Variants in RABGAP1L observed in about 807,000 individuals in gnomAD.
The protein encoded by RABGAP1L is rab GTPase-activating protein 1-like.
A neutral mutation model predicts 137.7 loss-of-function variants in RABGAP1L; 63 were observed. The observed-to-expected ratio is 0.46, with a 90% confidence interval of 0.37 to 0.56. The LOEUF is 0.56. Among genes scored for constraint, RABGAP1L ranks in the 20% least tolerant of loss-of-function variants. The pLI, the probability that RABGAP1L is intolerant of heterozygous loss-of-function variation, is 0.00. For missense variants in RABGAP1L, 1,095 were observed against 1,244.0 expected, an observed-to-expected ratio of 0.88 and a Z score of 1.80; for synonymous variants, 431 against 433.7, an observed-to-expected ratio of 0.99 and a Z score of 0.08.
At chr1:174,897,664 A>G (rs900348342) in intron 19 of RABGAP1L, 2 of 152,218 alleles carry the variant, frequency 1.3e-5, no homozygotes, top group Admixed American at 1.3e-4. Context: ...ACTAAAATGT[A>G]CTTGCCTGTT....
chr1:174,449,863 T>A (rs1320575708), intron 13 of RABGAP1L, among the ~76,000 whole-genome samples: 2 of 152,190 alleles, frequency 1.3e-5, no homozygotes, highest in African/African-American at 4.8e-5. Flanking sequence ...GACATTTGCT[T>A]TTCCCTGGTT....
At chr1:174,494,317 C>T (rs1479343487) in intron 13 of RABGAP1L, among the ~76,000 whole-genome samples, 1 of 152,084 alleles carries the variant, frequency 6.6e-6, no homozygotes, top group Admixed American at 6.5e-5. Context: ...GAAATTTGTT[C>T]TGTTTTGCTG....
intron 12 of RABGAP1L, among the ~76,000 whole-genome samples, chr1:174,383,757 G>T (rs75694709): frequency 0.074 from 11,117 of 150,952 alleles, 602 homozygotes; most frequent in East Asian, 0.32. Flanking sequence ...CTTCTGCGTC[G>T]CTCATGCTGG....
At chr1:174,434,274 T>C (rs1653008120) in intron 13 of RABGAP1L, among the ~76,000 whole-genome samples, 1 of 152,236 alleles carries the variant, frequency 6.6e-6, no homozygotes, top group Non-Finnish European at 1.5e-5. Flanking sequence ...CCTTTAGTTT[T>C]AAGATTCATC....
chr1:174,414,690 CTT>C, intron 13 of RABGAP1L, among the ~76,000 whole-genome samples: 1 of 151,908 alleles, frequency 6.6e-6, no homozygotes, highest in Non-Finnish European at 1.5e-5. Flanking sequence ...TGGTAGAAAA[CTT>C]TAAGTTATAT....
At chr1:174,318,388 G>A (rs1045125971) in intron 11 of RABGAP1L, among the ~76,000 whole-genome samples, 2 of 152,042 alleles carry the variant, frequency 1.3e-5, no homozygotes, top group Admixed American at 1.3e-4. Flanking sequence ...TGAGTTTCAG[G>A]TAAACTTTTC....
At chr1:174,218,390 C>T (rs1271563365) in intron 1 of RABGAP1L, among the ~76,000 whole-genome samples, 1 of 152,094 alleles carries the variant, frequency 6.6e-6, no homozygotes, top group Non-Finnish European at 1.5e-5. Context: ...TAGTGTATGT[C>T]TGCAGTTAAA....
At chr1:174,943,858 G>A (rs1283993858) in intron 19 of RABGAP1L, among the ~76,000 whole-genome samples, 3 of 152,106 alleles carry the variant, frequency 2.0e-5, no homozygotes, top group African/African-American at 7.2e-5. Flanking sequence ...CTCCCCACCA[G>A]ACTGTAAACT....
At chr1:174,452,935 T>A (rs1655605008) in intron 13 of RABGAP1L, among the ~76,000 whole-genome samples, 1 of 152,130 alleles carries the variant, frequency 6.6e-6, no homozygotes, top group Non-Finnish European at 1.5e-5. Flanking sequence ...TAATCCCAAT[T>A]CAAACAGGAA....
intron 12 of RABGAP1L, among the ~76,000 whole-genome samples, chr1:174,373,970 G>T (rs1227147931): frequency 6.6e-6 from 1 of 152,070 alleles, no homozygotes; most frequent in Non-Finnish European, 1.5e-5. Flanking sequence ...ATTGAATTAG[G>T]CTTTCCTGAT....
At chr1:174,263,710 C>CT (rs879804697) in intron 7 of RABGAP1L, among the ~76,000 whole-genome samples, 169 of 144,974 alleles carry the variant, frequency 1.2e-3, no homozygotes, top group East Asian at 2.0e-3. Flanking sequence ...CTTTTATTTA[C>CT]TTTTTTTTTT....
At chr1:174,241,866 G>A (rs1233864474) in intron 5 of RABGAP1L, among the ~76,000 whole-genome samples, 1 of 152,218 alleles carries the variant, frequency 6.6e-6, no homozygotes, top group Non-Finnish European at 1.5e-5. Context: ...CTTAGCAGTT[G>A]TCGTAGAAAA....
intron 18 of RABGAP1L, among the ~76,000 whole-genome samples, chr1:174,773,149 C>T (rs1279177455): frequency 2.2e-5 from 2 of 91,332 alleles, no homozygotes; most frequent in Non-Finnish European, 5.8e-5. Context: ...GTGTTCTTAA[C>T]TTCTAAGCTA....
At chr1:174,412,221 C>CTT (rs1275762229) in intron 13 of RABGAP1L, among the ~76,000 whole-genome samples, 1 of 151,936 alleles carries the variant, frequency 6.6e-6, no homozygotes, top group Non-Finnish European at 1.5e-5. Flanking sequence ...TATGTAATAC[C>CTT]TTTATTTGTT....
At chr1:174,349,922 A>C (rs1257615973) in intron 11 of RABGAP1L, among the ~76,000 whole-genome samples, 22 of 67,782 alleles carry the variant, frequency 3.2e-4, no homozygotes, top group Admixed American at 1.1e-3. Flanking sequence ...ACCCCCCCCC[A>C]CCTCCCTCCC....
At chr1:174,372,764 A>T (rs999110086) in intron 12 of RABGAP1L, among the ~76,000 whole-genome samples, 2 of 152,184 alleles carry the variant, frequency 1.3e-5, no homozygotes, top group Non-Finnish European at 2.9e-5. Flanking sequence ...TATTAGAGCC[A>T]ATCAAAATAA....
chr1:174,195,616 T>TCTTCCTTCCTTCCTTCCTTCCTTC (rs1206660580), intron 1 of RABGAP1L, among the ~76,000 whole-genome samples: 1 of 57,572 alleles, frequency 1.7e-5, no homozygotes, highest in Non-Finnish European at 3.9e-5. Context: ...TTTCTTTCTT[T>TCTTCCTTCCTTCCTTCCTTCCTTC]CTTCCTTCCT....
intron 1 of RABGAP1L, among the ~76,000 whole-genome samples, chr1:174,216,209 TAGAA>T (rs1385787279): frequency 6.6e-6 from 1 of 151,980 alleles, no homozygotes; most frequent in African/African-American, 2.4e-5. Flanking sequence ...AAAAAATAAT[TAGAA>T]AGAATGAATA....
intron 11 of RABGAP1L, among the ~76,000 whole-genome samples, chr1:174,313,901 G>A (rs921122377): frequency 3.9e-5 from 6 of 152,056 alleles, no homozygotes; most frequent in African/African-American, 1.4e-4. Context: ...GTTGAATTCT[G>A]TTTGCTGGTA....
Sources: gnomAD v4.1 joint callset for allele counts (sites outside exome capture counted in the v4.1 genomes callset) on GRCh38, gnomAD v4.1.1 for gene constraint, MANE v1.5 for transcripts, NCBI Gene and HGNC (gene_info 2026-07-23, HGNC 2026-07-21) for gene names.